Variants in CATSPERE observed in about 807,000 individuals in gnomAD.
CATSPERE encodes catsper channel auxiliary subunit epsilon, also known as cation channel sperm-associated auxiliary subunit epsilon.
In CATSPERE, 93 loss-of-function variants were observed where a neutral mutation model predicts 114.1. The ratio of observed to expected loss-of-function variants is 0.81; its 90% CI spans 0.69 to 0.97. The LOEUF is 0.97. CATSPERE is among the 50% of genes least tolerant of loss of function. The probability of loss-of-function intolerance (pLI) is 0.00; values close to 1 mark genes in which losing one functional copy is unlikely to be tolerated. For synonymous variants in CATSPERE, 341 were observed against 384.1 expected, an observed-to-expected ratio of 0.89 and a Z score of 1.31; for missense variants, 1,058 against 1,131.6, an observed-to-expected ratio of 0.93 and a Z score of 0.93.
intron 11 of CATSPERE, among the ~76,000 whole-genome samples, chr1:244,580,021 A>G (rs1045783972): frequency 2.6e-5 from 4 of 151,878 alleles, no homozygotes; most frequent in Admixed American, 2.6e-4. Context: ...CACTACAACT[A>G]CCATATTTTA....
intron 13 of CATSPERE, among the ~76,000 whole-genome samples, 190 bp downstream of exon 13, chr1:244,584,129 C>T (rs1039358790): frequency 1.3e-5 from 2 of 152,004 alleles, no homozygotes; most frequent in African/African-American, 2.4e-5. Context: ...TCAAAACAAT[C>T]GTTTATTCAT....
chr1:244,463,632 G>C (rs1667148265), intron 1 of CATSPERE, among the ~76,000 whole-genome samples: 1 of 142,936 alleles, frequency 7.0e-6, no homozygotes, highest in African/African-American at 2.7e-5. Flanking sequence ...TGTTCTTCAA[G>C]AGTTTTCATC....
chr1:244,549,931 G>A (rs577449620), intron 8 of CATSPERE, among the ~76,000 whole-genome samples: 2 of 152,200 alleles, frequency 1.3e-5, no homozygotes, highest in African/African-American at 4.8e-5. Context: ...AGTCCACTGA[G>A]GGCTTGAAAA....
intron 8 of CATSPERE, among the ~76,000 whole-genome samples, chr1:244,528,785 CCACACACACA>C (rs56746061): frequency 2.5e-4 from 33 of 130,584 alleles, no homozygotes; most frequent in Admixed American, 1.4e-3. Context: ...CAATCCCCCA[CCACACACACA>C]CACACACACA....
At position 244,498,986 on chromosome 1, in the gene CATSPERE, A is replaced by G. The variant is rs1347092335; in HGVS notation, c.352-16A>G. On this transcript the variant is annotated splice_polypyrimidine_tract_variant and intron_variant, in intron 6 of 21. Transcript: ENST00000366534. ...GTACAAAATGTAAAGAAATGCAAAC[A>G]AATTTTATTTTCTAGCTTATCACTG... The G allele has an allele frequency of 1.3e-6, 2 of 1,596,886 alleles. No homozygotes were observed. Among genetic ancestry groups the G allele is most frequent in the Admixed American group, 3.4e-5 (2 of 59,600 alleles).
At chr1:244,523,478 T>G in intron 8 of CATSPERE, among the ~76,000 whole-genome samples, 1 of 134,202 alleles carries the variant, frequency 7.5e-6, no homozygotes. Flanking sequence ...TGTTGGAAGT[T>G]CTGGCCAGGG....
At chr1:244,639,316 C>G (rs1675039252) in intron 21 of CATSPERE, among the ~76,000 whole-genome samples, 1 of 152,216 alleles carries the variant, frequency 6.6e-6, no homozygotes, top group Non-Finnish European at 1.5e-5. Flanking sequence ...ATACTCATAC[C>G]AAGCTAACTC....
chr1:244,527,417 G>T (rs562364705), intron 8 of CATSPERE, among the ~76,000 whole-genome samples: 124 of 152,248 alleles, frequency 8.1e-4, no homozygotes, highest in African/African-American at 2.9e-3. Flanking sequence ...CCGGCTCAGC[G>T]GCAGTCAGAG....
chr1:244,582,354 T>TGGAAAAATAGCATATTTTCCCTA, intron 12 of CATSPERE, among the ~76,000 whole-genome samples: 1 of 152,078 alleles, frequency 6.6e-6, no homozygotes, highest in African/African-American at 2.4e-5. Context: ...AGTATTTTCT[T>TGGAAAAATAGCATATTTTCCCTA]GGAAAAATAG....
chr1:244,484,415 G>A (rs1377697635), intron 5 of CATSPERE, among the ~76,000 whole-genome samples: 1 of 152,212 alleles, frequency 6.6e-6, no homozygotes, highest in Admixed American at 6.5e-5. Flanking sequence ...CCCACTTCTG[G>A]TGAGGACATG....
chr1:244,596,006 A>G (rs1251243631), intron 17 of CATSPERE, among the ~76,000 whole-genome samples: 1 of 152,190 alleles, frequency 6.6e-6, no homozygotes, highest in Admixed American at 6.5e-5. Flanking sequence ...TCAGAGAAAC[A>G]AATCTAAGTA....
At chr1:244,524,678 G>A (rs1678217790) in intron 8 of CATSPERE, among the ~76,000 whole-genome samples, 1 of 151,568 alleles carries the variant, frequency 6.6e-6, no homozygotes, top group African/African-American at 2.4e-5. Context: ...AGTGGGCAAA[G>A]GAAACGAACA....
chr1:244,468,496 A>T (rs756129153), intron 2 of CATSPERE, among the ~76,000 whole-genome samples: 13 of 152,204 alleles, frequency 8.5e-5, no homozygotes, highest in Non-Finnish European at 1.6e-4. Flanking sequence ...GACCACCAAA[A>T]CAGCTATGTC....
chr1:244,477,674 G>A, intron 3 of CATSPERE, 60 bp downstream of exon 3: 3 of 1,150,206 alleles, frequency 2.6e-6, no homozygotes, highest in South Asian at 2.7e-5. Context: ...TTCATATAAT[G>A]TGAACATTGA....
intron 7 of CATSPERE, among the ~76,000 whole-genome samples, chr1:244,510,699 G>A (rs1675553568): frequency 6.6e-6 from 1 of 151,972 alleles, no homozygotes; most frequent in Admixed American, 6.6e-5. Flanking sequence ...AATGCTGAGA[G>A]TGGGGTGTTG....
At chr1:244,477,229 C>G (rs1230740626) in intron 2 of CATSPERE, among the ~76,000 whole-genome samples, 2 of 152,206 alleles carry the variant, frequency 1.3e-5, no homozygotes, top group African/African-American at 4.8e-5. Context: ...CTCCTGACCT[C>G]AGGTGATCCA....
At chr1:244,476,949 C>A (rs1164146747) in intron 2 of CATSPERE, among the ~76,000 whole-genome samples, 4 of 152,116 alleles carry the variant, frequency 2.6e-5, no homozygotes, top group Non-Finnish European at 5.9e-5. Flanking sequence ...ATCCTCAGAA[C>A]CTACCAGAGT....
At chr1:244,509,549 T>G (rs1675362969) in intron 7 of CATSPERE, among the ~76,000 whole-genome samples, 1 of 152,206 alleles carries the variant, frequency 6.6e-6, no homozygotes, top group East Asian at 1.9e-4. Context: ...GTTGTTGTTG[T>G]GTCCTTGTCT....
intron 5 of CATSPERE, 136 bp from the exon 6 acceptor site, chr1:244,490,311 C>T: frequency 1.9e-6 from 1 of 536,636 alleles, no homozygotes; most frequent in Non-Finnish European, 3.3e-6. Flanking sequence ...TTACATTTAG[C>T]CTTTAATTTT....
Sources: gnomAD v4.1 joint callset for allele counts (sites outside exome capture counted in the v4.1 genomes callset) on GRCh38, gnomAD v4.1.1 for gene constraint, MANE v1.5 for transcripts, NCBI Gene and HGNC (gene_info 2026-07-23, HGNC 2026-07-21) for gene names.